AR: variants seen among roughly 807,000 people sequenced by gnomAD.
AR encodes the protein dihydrotestosterone receptor.
AR carries 8 observed loss-of-function variants against 53.9 expected under a neutral mutation model. The observed-to-expected ratio is 0.15, with a 90% CI of 0.09 to 0.27. The LOEUF (loss-of-function observed/expected upper bound fraction) is 0.27, where lower values mean the gene tolerates loss of function less well. Ranked by LOEUF, AR falls within the 10% of genes least tolerant of loss-of-function variation. The probability of loss-of-function intolerance (pLI) is 1.00; values close to 1 mark genes in which losing one functional copy is unlikely to be tolerated. For synonymous variants in AR, 359 were observed against 316.4 expected, an observed-to-expected ratio of 1.13 and a Z score of -1.43; for missense variants, 639 against 742.5, an observed-to-expected ratio of 0.86 and a Z score of 1.62.
At chrX:67,685,203 C>T (rs964039385) in intron 2 of AR, among the ~76,000 whole-genome samples, 24 of 111,795 alleles carry the variant, frequency 2.1e-4, no homozygotes, top group African/African-American at 7.2e-4. Flanking sequence ...AGTCAATCCA[C>T]GTTTGCTGAG....
chrX:67,583,075 A>T (rs777922262), intron 1 of AR, among the ~76,000 whole-genome samples: 1 of 111,696 alleles, frequency 9.0e-6, no homozygotes, highest in Non-Finnish European at 1.9e-5. Context: ...ATAACTTTGT[A>T]CAGAACCCTT....
At chrX:67,667,921 G>A (rs1049093513) in intron 2 of AR, among the ~76,000 whole-genome samples, 2 of 111,524 alleles carry the variant, frequency 1.8e-5, no homozygotes, top group East Asian at 2.8e-4. Context: ...TTTGTATCCC[G>A]CAACTTTACT....
chrX:67,665,114 C>T (rs1379704647), intron 2 of AR, among the ~76,000 whole-genome samples: 1 of 112,875 alleles, frequency 8.9e-6, no homozygotes, highest in Non-Finnish European at 1.9e-5. Flanking sequence ...GTGCGCTGCA[C>T]CCACTGTCCT....
At chrX:67,674,432 G>A (rs2075886743) in intron 2 of AR, among the ~76,000 whole-genome samples, 1 of 111,003 alleles carries the variant, frequency 9.0e-6, no homozygotes, top group African/African-American at 3.3e-5. Context: ...TCAGGGTGAT[G>A]AGTTCCTCAA....
chrX:67,642,216 C>G (rs1925815768), intron 1 of AR, among the ~76,000 whole-genome samples: 1 of 111,813 alleles, frequency 8.9e-6, no homozygotes, highest in African/African-American at 3.2e-5. Context: ...CTCCCTGAAG[C>G]AGATGTAACC....
intron 1 of AR, among the ~76,000 whole-genome samples, chrX:67,640,152 T>A: frequency 9.0e-6 from 1 of 111,712 alleles, no homozygotes; most frequent in Non-Finnish European, 1.9e-5. Flanking sequence ...CAGCCTTGCA[T>A]CCCAGGGGTG....
chrX:67,647,913 C>T (rs989554719), intron 2 of AR, among the ~76,000 whole-genome samples: 13 of 111,711 alleles, frequency 1.2e-4, no homozygotes, highest in Admixed American at 4.8e-4. Flanking sequence ...TTTCACATGT[C>T]GTTTAATATT....
chrX:67,704,705 A>G (rs1448681578), intron 3 of AR, among the ~76,000 whole-genome samples: 1 of 111,610 alleles, frequency 9.0e-6, no homozygotes, highest in Admixed American at 9.5e-5. Context: ...GGTGTTTTAG[A>G]CATGAAGTCC....
intron 2 of AR, among the ~76,000 whole-genome samples, chrX:67,673,586 T>C (rs1339699303): frequency 1.8e-5 from 2 of 109,969 alleles, no homozygotes; most frequent in Non-Finnish European, 3.8e-5. Context: ...GAGGCATTCT[T>C]CAGTGTGTCA....
At chrX:67,594,451 C>T (rs1922987496) in intron 1 of AR, among the ~76,000 whole-genome samples, 1 of 112,144 alleles carries the variant, frequency 8.9e-6, no homozygotes. Flanking sequence ...TTACTTTTAT[C>T]TTAAACATGT....
At chrX:67,634,377 T>C (rs947237151) in intron 1 of AR, among the ~76,000 whole-genome samples, 4 of 111,835 alleles carry the variant, frequency 3.6e-5, no homozygotes, top group Non-Finnish European at 7.5e-5. Flanking sequence ...CGCAGTGGTG[T>C]GGGGCTGCTT....
At chrX:67,721,433 G>T (rs1488112677) in intron 5 of AR, among the ~76,000 whole-genome samples, 1 of 111,898 alleles carries the variant, frequency 8.9e-6, no homozygotes, top group Non-Finnish European at 1.9e-5. Context: ...GAGCTGCCTG[G>T]AAGGCAGGTT....
chrX:67,557,480 T>C (rs1290165153), intron 1 of AR, among the ~76,000 whole-genome samples: 1 of 112,335 alleles, frequency 8.9e-6, no homozygotes, highest in Non-Finnish European at 1.9e-5. Flanking sequence ...ATGAACATCC[T>C]GATGGCTTCT....
In AR at chrX:67,641,326, C is replaced by T. The variant is rs754392770; in HGVS notation, c.1617-1930C>T. Reference sequence around the variant, plus strand: ...AAATGGGATGATATGTATGAAATGGCCTGGCATATAGAGTGCCTAAATACA... The same window carrying T: ...AAATGGGATGATATGTATGAAATGGTCTGGCATATAGAGTGCCTAAATACA... On this transcript the variant is annotated intron_variant, in intron 1 of 7. Coordinates refer to ENST00000374690, the MANE Select transcript of AR (RefSeq NM_000044.6). Among the ~76,000 whole-genome samples the T allele has an allele frequency of 4.4e-3, 497 of 111,753 alleles. 2 individuals carry two copies. The highest frequency in any genetic ancestry group is 0.015 in the African/African-American group (474 of 30,774).
chrX:67,637,694 G>A (rs745530177), intron 1 of AR, among the ~76,000 whole-genome samples: 5 of 110,876 alleles, frequency 4.5e-5, no homozygotes, highest in South Asian at 3.9e-4. Flanking sequence ...TACAGCAGAC[G>A]TCTAGAACTT....
chrX:67,670,273 T>A (rs941952344), intron 2 of AR, among the ~76,000 whole-genome samples: 2 of 90,223 alleles, frequency 2.2e-5, no homozygotes, highest in Non-Finnish European at 4.3e-5. Flanking sequence ...AATCCACTAC[T>A]AAAGAACTCA....
chrX:67,607,341 T>G (rs957774884), intron 1 of AR, among the ~76,000 whole-genome samples: 1 of 112,022 alleles, frequency 8.9e-6, no homozygotes, highest in Non-Finnish European at 1.9e-5. Context: ...ACGGTATTTT[T>G]GAAAGAACAG....
intron 1 of AR, among the ~76,000 whole-genome samples, chrX:67,574,457 G>A (rs777462707): frequency 2.7e-5 from 3 of 110,681 alleles, no homozygotes; most frequent in African/African-American, 6.6e-5. Context: ...AACGTGTGCA[G>A]TCTCTGTGCT....
At chrX:67,550,121 C>A (rs1929936825) in intron 1 of AR, among the ~76,000 whole-genome samples, 1 of 111,791 alleles carries the variant, frequency 8.9e-6, no homozygotes, top group African/African-American at 3.3e-5. Context: ...CTGGGTGGCA[C>A]CCCATTCGGA....
Sources: gnomAD v4.1 joint callset for allele counts (sites outside exome capture counted in the v4.1 genomes callset) on GRCh38, gnomAD v4.1.1 for gene constraint, MANE v1.5 for transcripts, NCBI Gene and HGNC (gene_info 2026-07-23, HGNC 2026-07-21) for gene names.